Variants in TMTC2 observed in about 807,000 individuals in gnomAD.
TMTC2 encodes transmembrane O-mannosyltransferase targeting cadherins 2.
Under a neutral mutation model 82.4 loss-of-function variants are expected in TMTC2, and 43 were observed. That is an observed-to-expected ratio of 0.52 (90% CI 0.41 to 0.67). The LOEUF is 0.67. Among genes scored for constraint, TMTC2 ranks in the 30% least tolerant of loss-of-function variants. TMTC2 has a pLI of 0.00. For synonymous variants in TMTC2, 408 were observed against 381.9 expected, an observed-to-expected ratio of 1.07 and a Z score of -0.80; for missense variants, 919 against 1,012.4, an observed-to-expected ratio of 0.91 and a Z score of 1.25.
intron 1 of TMTC2, among the ~76,000 whole-genome samples, chr12:82,756,959 A>T (rs1876362991): frequency 6.6e-6 from 1 of 152,120 alleles, no homozygotes; most frequent in African/African-American, 2.4e-5. Context: ...GAAGTACTTA[A>T]ACCTCTATAT....
chr12:83,122,849 G>A (rs770883024), intron 11 of TMTC2, among the ~76,000 whole-genome samples: 3 of 152,152 alleles, frequency 2.0e-5, no homozygotes, highest in Non-Finnish European at 4.4e-5. Context: ...CGTCTGCCAT[G>A]ATCTCTCACA....
intron 11 of TMTC2, among the ~76,000 whole-genome samples, chr12:83,090,109 G>A (rs889326183): frequency 6.6e-6 from 1 of 152,140 alleles, no homozygotes; most frequent in African/African-American, 2.4e-5. Context: ...TATTCCATGA[G>A]ATTGTTAACT....
chr12:83,077,900 T>TTC (rs1413316980), intron 11 of TMTC2, among the ~76,000 whole-genome samples: 2 of 145,562 alleles, frequency 1.4e-5, no homozygotes, highest in Non-Finnish European at 3.0e-5. Context: ...TTTTTTTTTT[T>TTC]TTTTTAACAG....
At position 83,053,161 on chromosome 12, in the gene TMTC2, C is replaced by G. The variant is rs564501343; in HGVS notation, c.2267+2143C>G. ...TTGAATATGCTTTTGTCAAAATGGT[C>G]AGTTATCAAAATTTTGCTTATTTAA... On this transcript the variant is annotated intron_variant, in intron 10 of 11. Transcript: ENST00000321196. 8.5e-5 allele frequency among the ~76,000 whole-genome samples: 13 copies of G among 152,168 alleles called. 1 individual carries two copies. The South Asian group carries it at 2.7e-3, about 32-fold the overall frequency.
At chr12:82,889,853 A>C (rs7960995) in intron 2 of TMTC2, among the ~76,000 whole-genome samples, 2 of 151,942 alleles carry the variant, frequency 1.3e-5, no homozygotes, top group East Asian at 3.9e-4. Context: ...ACATATGGCT[A>C]TACCATGATT....
chr12:83,048,282 C>T (rs1020351734), intron 9 of TMTC2, among the ~76,000 whole-genome samples: 16 of 152,038 alleles, frequency 1.1e-4, no homozygotes, highest in South Asian at 4.1e-4. Context: ...TCTTATTTTA[C>T]TGTTATATAA....
chr12:82,872,722 G>A (rs1436974407), intron 2 of TMTC2, among the ~76,000 whole-genome samples: 2 of 152,108 alleles, frequency 1.3e-5, no homozygotes, highest in Non-Finnish European at 2.9e-5. Flanking sequence ...AAATTGTGCA[G>A]ACTCTCTTGT....
At chr12:82,901,934 A>G (rs544248430) in intron 3 of TMTC2, among the ~76,000 whole-genome samples, 9 of 152,068 alleles carry the variant, frequency 5.9e-5, no homozygotes, top group Non-Finnish European at 1.3e-4. Context: ...AAAATGTTCT[A>G]TTATTTTATG....
chr12:83,014,694 T>C (rs117998313), intron 8 of TMTC2, among the ~76,000 whole-genome samples: 3,100 of 149,582 alleles, frequency 0.021, 36 homozygotes, highest in African/African-American at 0.032. Context: ...TCTGAGTAAA[T>C]AGATTTAGGT....
chr12:83,103,819 T>G (rs1466235662), intron 11 of TMTC2, among the ~76,000 whole-genome samples: 3 of 152,198 alleles, frequency 2.0e-5, no homozygotes, highest in Non-Finnish European at 2.9e-5. Context: ...TCATCTGACA[T>G]AAGTCAAATC....
At chr12:83,029,600 C>A (rs11115552) in intron 8 of TMTC2, among the ~76,000 whole-genome samples, 16,299 of 152,014 alleles carry the variant, frequency 0.11, 1,405 homozygotes, top group East Asian at 0.27. Flanking sequence ...TTGTCTTTAC[C>A]ATGGTCTGTG....
intron 11 of TMTC2, among the ~76,000 whole-genome samples, chr12:83,091,498 A>G (rs1339801850): frequency 1.3e-5 from 2 of 152,210 alleles, no homozygotes; most frequent in African/African-American, 4.8e-5. Flanking sequence ...TCCAAAAAGC[A>G]TAGCAGTTCA....
At chr12:83,123,618 G>T (rs578036336) in intron 11 of TMTC2, among the ~76,000 whole-genome samples, 16 of 151,702 alleles carry the variant, frequency 1.1e-4, no homozygotes, top group African/African-American at 2.9e-4. Flanking sequence ...TTTTCATTTT[G>T]GTTGGTGCCA....
intron 1 of TMTC2, among the ~76,000 whole-genome samples, chr12:82,801,418 T>C (rs1027451504): frequency 6.6e-6 from 1 of 152,096 alleles, no homozygotes; most frequent in African/African-American, 2.4e-5. Context: ...TTCCACCGTG[T>C]AGAAGGGGAC....
chr12:82,936,856 C>G (rs1051292184), intron 4 of TMTC2, among the ~76,000 whole-genome samples: 1 of 151,910 alleles, frequency 6.6e-6, no homozygotes, highest in Non-Finnish European at 1.5e-5. Flanking sequence ...TTATTGTATC[C>G]CCCATCCCTA....
At chr12:82,702,242 T>G (rs1181795496) in intron 1 of TMTC2, among the ~76,000 whole-genome samples, 1 of 152,216 alleles carries the variant, frequency 6.6e-6, no homozygotes, top group African/African-American at 2.4e-5. Flanking sequence ...CCTCAGCCAC[T>G]ATCATTATTC....
intron 1 of TMTC2, among the ~76,000 whole-genome samples, chr12:82,780,880 G>A (rs924782841): frequency 2.0e-5 from 3 of 151,762 alleles, no homozygotes; most frequent in Non-Finnish European, 4.4e-5. Flanking sequence ...GCAGTGTGGT[G>A]TGGAAGAGGT....
intron 1 of TMTC2, among the ~76,000 whole-genome samples, chr12:82,825,677 A>C (rs1007037607): frequency 6.6e-6 from 1 of 152,234 alleles, no homozygotes; most frequent in African/African-American, 2.4e-5. Context: ...ATGTATTTAC[A>C]TATGCCATAT....
rs564338714 is a variant in TMTC2 at position 82,962,055 on chromosome 12, A to C, written c.1599-2969A>C. ...GGAAATGACTTGCTGAATTCCTCTG[A>C]GTGACTAGGATCCGGCCCCTCCCCA... On this transcript the variant is annotated intron_variant, in intron 4 of 11. Coordinates refer to ENST00000321196, the MANE Select transcript of TMTC2 (RefSeq NM_152588.3). Among the ~76,000 whole-genome samples the C allele has an allele frequency of 2.3e-3, 346 of 152,112 alleles. 1 individual carries two copies. Among genetic ancestry groups the C allele is most frequent in the Non-Finnish European group, 4.0e-3 (272 of 67,962 alleles).
Sources: gnomAD v4.1 joint callset for allele counts (sites outside exome capture counted in the v4.1 genomes callset) on GRCh38, gnomAD v4.1.1 for gene constraint, MANE v1.5 for transcripts, NCBI Gene and HGNC (gene_info 2026-07-23, HGNC 2026-07-21) for gene names.